DOCK3: variants seen among roughly 807,000 people sequenced by gnomAD.
The protein encoded by DOCK3 is dedicator of cytokinesis protein 3.
In DOCK3, 60 loss-of-function variants were observed where a neutral mutation model predicts 265.6. The ratio of observed to expected loss-of-function variants is 0.23; its 90% CI spans 0.18 to 0.28. The LOEUF is 0.28. Ranked by LOEUF, DOCK3 falls within the 10% of genes least tolerant of loss-of-function variation. The probability of loss-of-function intolerance (pLI) is 1.00; values close to 1 mark genes in which losing one functional copy is unlikely to be tolerated. For synonymous variants in DOCK3, 881 were observed against 938.0 expected (o/e 0.94, Z 1.11); for missense variants, 1,981 against 2,594.3 (o/e 0.76, Z 5.14).
chr3:51,354,851 T>C (rs764616610), intron 40 of DOCK3, 31 bp from the exon 41 acceptor site: 5 of 1,609,248 alleles, frequency 3.1e-6, no homozygotes, highest in Non-Finnish European at 3.4e-6. Context: ...AAGCAAAGCA[T>C]ACATAGAGTG....
At chr3:50,916,915 TA>T (rs1441366293) in intron 4 of DOCK3, among the ~76,000 whole-genome samples, 1 of 151,786 alleles carries the variant, frequency 6.6e-6, no homozygotes, top group African/African-American at 2.4e-5. Context: ...GGACAAGTGC[TA>T]GGGGCTTCTA....
intron 12 of DOCK3, among the ~76,000 whole-genome samples, 191 bp downstream of exon 12, chr3:51,160,893 G>A (rs1272275309): frequency 2.7e-5 from 4 of 150,748 alleles, no homozygotes; most frequent in Admixed American, 6.6e-5. Context: ...TGGCTAACAC[G>A]GTGAAACCTC....
chr3:51,040,092 A>G (rs2080422865), intron 5 of DOCK3, among the ~76,000 whole-genome samples: 1 of 152,022 alleles, frequency 6.6e-6, no homozygotes, highest in Non-Finnish European at 1.5e-5. Flanking sequence ...AGTTTTCTCT[A>G]TACCACCTAC....
chr3:50,985,211 T>C lies in DOCK3; in HGVS notation c.315+51134T>C, dbSNP rs541778018. Among the ~76,000 whole-genome samples, 46 of 152,384 alleles carry C rather than the reference T, an allele frequency of 3.0e-4. No individual in the cohort carries two copies. The South Asian group carries it at 7.9e-3, about 26-fold the overall frequency. On this transcript the variant is annotated intron_variant, in intron 5 of 52. Coordinates refer to ENST00000266037, the MANE Select transcript of DOCK3 (RefSeq NM_004947.5). ...TTAAAACTGAATGTGTATTGACATA[T>C]GGATGCATATTAGGTTTTTCTGTAT...
At chr3:50,677,862 A>G (rs888978613) in intron 1 of DOCK3, among the ~76,000 whole-genome samples, 1 of 152,130 alleles carries the variant, frequency 6.6e-6, no homozygotes. Flanking sequence ...TTCATTTAGG[A>G]TGAGGTGATG....
intron 12 of DOCK3, among the ~76,000 whole-genome samples, chr3:51,201,318 G>A (rs918941376): frequency 7.3e-5 from 11 of 151,206 alleles, no homozygotes; most frequent in Non-Finnish European, 1.2e-4. Flanking sequence ...CAAAATAAAA[G>A]GATGGAGGAA....
chr3:51,085,430 G>A (rs888863575), intron 7 of DOCK3, among the ~76,000 whole-genome samples: 3 of 152,108 alleles, frequency 2.0e-5, no homozygotes, highest in African/African-American at 7.2e-5. Context: ...CCACAAACAA[G>A]TCTCAACAAA....
chr3:51,083,104 G>T (rs1370773968), intron 7 of DOCK3, among the ~76,000 whole-genome samples: 4 of 152,156 alleles, frequency 2.6e-5, no homozygotes, highest in Non-Finnish European at 5.9e-5. Flanking sequence ...CAGCCCATCT[G>T]ATCTTCTTGT....
chr3:51,147,106 A>G (rs969060578), intron 10 of DOCK3, among the ~76,000 whole-genome samples: 3 of 151,802 alleles, frequency 2.0e-5, no homozygotes, highest in African/African-American at 7.3e-5. Context: ...AAGTGAGACC[A>G]GACCCTGTCT....
chr3:50,885,247 A>G (rs559600408), intron 3 of DOCK3, among the ~76,000 whole-genome samples: 7 of 152,004 alleles, frequency 4.6e-5, no homozygotes, highest in Admixed American at 2.0e-4. Flanking sequence ...TTGCTGAATC[A>G]TATTTCATTG....
At chr3:50,898,838 C>T (rs2107794645) in intron 4 of DOCK3, among the ~76,000 whole-genome samples, 1 of 152,242 alleles carries the variant, frequency 6.6e-6, no homozygotes, top group African/African-American at 2.4e-5. Context: ...GCACTGTGGT[C>T]TGAGAGACTG....
At chr3:50,912,910 C>T (rs545815029) in intron 4 of DOCK3, among the ~76,000 whole-genome samples, 2 of 152,172 alleles carry the variant, frequency 1.3e-5, no homozygotes, top group South Asian at 2.1e-4. Flanking sequence ...GTCCTGGAAT[C>T]GAGGGCCCCT....
At chr3:50,699,254 A>C (rs757552868) in intron 1 of DOCK3, among the ~76,000 whole-genome samples, 1 of 152,120 alleles carries the variant, frequency 6.6e-6, no homozygotes, top group African/African-American at 2.4e-5. Context: ...TGGGTTTTCT[A>C]TTCTGTTTCA....
At chr3:50,890,170 T>C (rs780740224) in intron 4 of DOCK3, 89 bp downstream of exon 4, 7 of 1,031,322 alleles carry the variant, frequency 6.8e-6, no homozygotes, top group African/African-American at 1.7e-5. Flanking sequence ...GTATAAAATA[T>C]ACAATTGATA....
chr3:51,268,670 A>G (rs2080327611), intron 23 of DOCK3, among the ~76,000 whole-genome samples: 1 of 152,008 alleles, frequency 6.6e-6, no homozygotes, highest in East Asian at 1.9e-4. Context: ...TCTTGATACC[A>G]GTTGCCTATA....
At chr3:50,710,006 G>A (rs1406230033) in intron 1 of DOCK3, among the ~76,000 whole-genome samples, 1 of 152,008 alleles carries the variant, frequency 6.6e-6, no homozygotes, top group South Asian at 2.1e-4. Flanking sequence ...TGTGGCCAGC[G>A]TGGGCAACAT....
At chr3:50,910,458 A>G (rs1045270626) in intron 4 of DOCK3, among the ~76,000 whole-genome samples, 1 of 152,140 alleles carries the variant, frequency 6.6e-6, no homozygotes, top group Non-Finnish European at 1.5e-5. Flanking sequence ...CTCTTAGCCC[A>G]GCACAGCCCC....
intron 22 of DOCK3, among the ~76,000 whole-genome samples, chr3:51,253,276 T>G (rs914405499): frequency 6.6e-6 from 1 of 152,260 alleles, no homozygotes; most frequent in African/African-American, 2.4e-5. Context: ...AGTATTTTAC[T>G]GAGGATTTTC....
At chr3:51,072,602 T>C (rs2081918035) in intron 6 of DOCK3, among the ~76,000 whole-genome samples, 1 of 151,468 alleles carries the variant, frequency 6.6e-6, no homozygotes, top group African/African-American at 2.4e-5. Context: ...AGAGATGGGG[T>C]TTAACCATGA....
Sources: allele counts gnomAD v4.1 joint callset (sites outside exome capture counted in the v4.1 genomes callset), GRCh38; gene constraint gnomAD v4.1.1; transcripts MANE v1.5; gene names NCBI Gene and HGNC (gene_info 2026-07-23, HGNC 2026-07-21).